Variants in AOPEP observed in about 807,000 individuals in gnomAD.
The protein encoded by AOPEP is aminopeptidase O.
In AOPEP, 77 loss-of-function variants were observed where a neutral mutation model predicts 98.1. That is an observed-to-expected ratio of 0.78 (90% confidence interval 0.65 to 0.95). The LOEUF is 0.95. Ranked by LOEUF, AOPEP falls within the 40% of genes least tolerant of loss-of-function variation. The pLI, the probability that AOPEP is intolerant of heterozygous loss-of-function variation, is 0.00. For synonymous variants in AOPEP, 346 were observed against 365.3 expected, an observed-to-expected ratio of 0.95 and a Z score of 0.60; for missense variants, 1,024 against 1,024.7, an observed-to-expected ratio of 1.00 and a Z score of 0.01.
intron 13 of AOPEP, chr9:95,056,324 CCTT>C (rs2066816745): frequency 6.6e-6 from 1 of 152,438 alleles, no homozygotes; most frequent in South Asian, 2.1e-4. Flanking sequence ...GAGGTGCCCT[CCTT>C]TGCTTTCGGA....
At chr9:94,733,100 T>C (rs943433135) in intron 1 of AOPEP, among the ~76,000 whole-genome samples, 1 of 148,960 alleles carries the variant, frequency 6.7e-6, no homozygotes, top group East Asian at 2.0e-4. Context: ...AATCATTTTC[T>C]TTCTCTTTTT....
intron 4 of AOPEP, among the ~76,000 whole-genome samples, chr9:94,794,452 A>G (rs1007440088): frequency 6.6e-6 from 1 of 152,150 alleles, no homozygotes; most frequent in Non-Finnish European, 1.5e-5. Context: ...TGTTGGTTTT[A>G]TTTTGTCATG....
intron 5 of AOPEP, among the ~76,000 whole-genome samples, chr9:94,816,388 G>C (rs768422788): frequency 3.1e-4 from 19 of 62,088 alleles, no homozygotes; most frequent in Admixed American, 1.7e-3. Context: ...GAGAGTGAGA[G>C]AGCCTGAAAT....
At chr9:94,857,307 T>C (rs981488478) in intron 5 of AOPEP, among the ~76,000 whole-genome samples, 1 of 152,212 alleles carries the variant, frequency 6.6e-6, no homozygotes, top group African/African-American at 2.4e-5. Context: ...AACCATGTTT[T>C]AACTGCTGCG....
At chr9:94,776,610 T>C (rs539300702) in intron 3 of AOPEP, among the ~76,000 whole-genome samples, 1 of 152,320 alleles carries the variant, frequency 6.6e-6, no homozygotes, top group East Asian at 1.9e-4. Flanking sequence ...CCTTTCCTCA[T>C]TATGTTATGG....
At chr9:95,125,568 C>A in the AOPEP span, among the ~76,000 whole-genome samples, 1 of 152,138 alleles carries the variant, frequency 6.6e-6, no homozygotes, top group Non-Finnish European at 1.5e-5. Flanking sequence ...ATCCACCCAG[C>A]AAAGTAGGAA....
At chr9:94,955,850 C>A in intron 8 of AOPEP, 58 bp from the exon 9 acceptor site, 1 of 1,243,936 alleles carries the variant, frequency 8.0e-7, no homozygotes, top group Non-Finnish European at 1.2e-6. Context: ...ACTATATAAC[C>A]ATTTTTTTAT....
chr9:95,057,698 G>A (rs1264298812), intron 13 of AOPEP, among the ~76,000 whole-genome samples: 1 of 152,274 alleles, frequency 6.6e-6, no homozygotes, highest in Admixed American at 6.5e-5. Flanking sequence ...CCAAAATAAC[G>A]TTTGTTCACT....
chr9:94,734,715 G>A (rs1831340566), intron 1 of AOPEP, among the ~76,000 whole-genome samples: 1 of 152,340 alleles, frequency 6.6e-6, no homozygotes, highest in Non-Finnish European at 1.5e-5. Flanking sequence ...GAGCCCAGTA[G>A]TCTGTGTTTG....
chr9:94,838,187 T>C (rs1253670400), intron 5 of AOPEP, among the ~76,000 whole-genome samples: 1 of 152,076 alleles, frequency 6.6e-6, no homozygotes. Context: ...TTTTTTGTAT[T>C]TTTAGTAGAG....
At chr9:94,962,902 C>A (rs549064035) in intron 9 of AOPEP, among the ~76,000 whole-genome samples, 468 of 152,112 alleles carry the variant, frequency 3.1e-3, no homozygotes, top group African/African-American at 0.011. Context: ...CGCCACCACG[C>A]CTGGCTAAAT....
chr9:94,772,175 G>A (rs1213641761), intron 2 of AOPEP, among the ~76,000 whole-genome samples: 1 of 152,186 alleles, frequency 6.6e-6, no homozygotes, highest in Non-Finnish European at 1.5e-5. Flanking sequence ...AAAACAGAAA[G>A]TAGAAACATT....
Position 94,728,239 on chromosome 9 carries a change from G to GCGCGCGCGCGCGCACACACACA in AOPEP, c.-136+1489_-136+1490insGCGCGCGCGCGCACACACACAC, listed in dbSNP as rs113657409. Among the ~76,000 whole-genome samples the GCGCGCGCGCGCGCACACACACA allele has an allele frequency of 4.1e-3, 599 of 146,580 alleles. 1 individual carries two copies. Among genetic ancestry groups the GCGCGCGCGCGCGCACACACACA allele is most frequent in the South Asian group, 6.6e-3 (30 of 4,576 alleles). Reference sequence around the variant, plus strand: ...TGTGATCCTTCCTGCGTGCGCGCATGCACACACACACACACACACACACAC... The same window carrying GCGCGCGCGCGCGCACACACACA: ...TGTGATCCTTCCTGCGTGCGCGCATGCGCGCGCGCGCGCACACACACACACACACACACACACACACACACAC... On this transcript the variant is annotated intron_variant, in intron 1 of 16. Transcript: ENST00000375315.
intron 5 of AOPEP, among the ~76,000 whole-genome samples, chr9:94,826,006 C>T (rs1004372620): frequency 6.6e-6 from 1 of 151,774 alleles, no homozygotes; most frequent in Non-Finnish European, 1.5e-5. Flanking sequence ...TTAGCAAAAA[C>T]CTGTGACCCA....
At chr9:94,871,445 C>T (rs1588639421) in intron 5 of AOPEP, among the ~76,000 whole-genome samples, 1 of 152,234 alleles carries the variant, frequency 6.6e-6, no homozygotes, top group Non-Finnish European at 1.5e-5. Flanking sequence ...ACACATACCT[C>T]AAGCCAATGG....
intron 5 of AOPEP, chr9:94,900,904 A>G (rs2050305135): frequency 6.6e-6 from 1 of 152,196 alleles, no homozygotes; most frequent in Non-Finnish European, 1.5e-5. Context: ...AGTAAGTTGA[A>G]TGCTTTCCAA....
the AOPEP span, chr9:95,150,106 ATAATCAC>A: frequency 6.2e-7 from 1 of 1,613,784 alleles, no homozygotes; most frequent in Admixed American, 1.7e-5. Flanking sequence ...GAAATAAGAA[ATAATCAC>A]TCAAATCTAA....
intron 13 of AOPEP, among the ~76,000 whole-genome samples, chr9:95,030,458 T>C (rs2064199381): frequency 6.6e-6 from 1 of 152,248 alleles, no homozygotes; most frequent in Admixed American, 6.5e-5. Context: ...ACTGCAGCTG[T>C]AGTCCTGGGG....
At chr9:94,887,173 C>G (rs543343711) in intron 5 of AOPEP, among the ~76,000 whole-genome samples, 1 of 150,984 alleles carries the variant, frequency 6.6e-6, no homozygotes, top group East Asian at 1.9e-4. Flanking sequence ...AGACCCCCCC[C>G]GTCTCTACAA....
Sources: allele counts gnomAD v4.1 joint callset (sites outside exome capture counted in the v4.1 genomes callset), GRCh38; gene constraint gnomAD v4.1.1; transcripts MANE v1.5; gene names NCBI Gene and HGNC (gene_info 2026-07-23, HGNC 2026-07-21).